The following BCL7C variants were observed in gnomAD, a reference collection of about 807,000 sequenced individuals.
BCL7C encodes B-cell CLL/lymphoma 7 protein family member C.
In BCL7C, 8 loss-of-function variants were observed where a neutral mutation model predicts 26.2. The ratio of observed to expected loss-of-function variants is 0.30; its 90% confidence interval spans 0.18 to 0.55. BCL7C has a LOEUF of 0.55. Among genes scored for constraint, BCL7C ranks in the 20% least tolerant of loss-of-function variants. The probability of loss-of-function intolerance (pLI) is 0.93; values close to 1 mark genes in which losing one functional copy is unlikely to be tolerated. For missense variants in BCL7C, 262 were observed against 298.5 expected (o/e 0.88, Z 0.90); for synonymous variants, 90 against 116.5 (o/e 0.77, Z 1.47).
At chr16:30,866,831 A>G (rs1341789953) in intron 5 of BCL7C, among the ~76,000 whole-genome samples, 1 of 151,988 alleles carries the variant, frequency 6.6e-6, no homozygotes. Context: ...AGGTGGGAGG[A>G]TTATATAAGG....
intron 5 of BCL7C, among the ~76,000 whole-genome samples, chr16:30,853,960 C>A (rs1446759306): frequency 6.6e-6 from 1 of 152,190 alleles, no homozygotes; most frequent in African/African-American, 2.4e-5. Context: ...GTGTCTTCCT[C>A]CAGATGGCAT....
chr16:30,866,592 T>G (rs867119171), intron 5 of BCL7C, among the ~76,000 whole-genome samples: 1,321 of 96,188 alleles, frequency 0.014, no homozygotes, highest in Middle Eastern at 0.018. Context: ...AAAAAAAAGG[T>G]GGGGGGGTGG....
At chr16:30,882,315 C>T (rs1373801978) in intron 5 of BCL7C, among the ~76,000 whole-genome samples, 1 of 152,120 alleles carries the variant, frequency 6.6e-6, no homozygotes, top group Non-Finnish European at 1.5e-5. Flanking sequence ...AGTAAGTACA[C>T]AATAAGTACC....
downstream of BCL7C, among the ~76,000 whole-genome samples, chr16:30,883,635 A>G (rs1422896623): frequency 3.2e-5 from 4 of 126,276 alleles, 1 homozygote; most frequent in Non-Finnish European, 3.2e-5. Context: ...TCCTGTCTCA[A>G]CCTCCTGAGT....
chr16:30,871,781 G>T (rs375626334), intron 5 of BCL7C, among the ~76,000 whole-genome samples: 1 of 151,986 alleles, frequency 6.6e-6, no homozygotes, highest in African/African-American at 2.4e-5. Context: ...CATCGCACCC[G>T]GCCACTATTT....
intron 5 of BCL7C, among the ~76,000 whole-genome samples, chr16:30,874,564 A>G (rs1245923302): frequency 6.6e-6 from 1 of 151,900 alleles, no homozygotes; most frequent in Non-Finnish European, 1.5e-5. Context: ...AGCTGCAGTG[A>G]GCGGAGATCG....
intron 4 of BCL7C, among the ~76,000 whole-genome samples, chr16:30,889,380 C>A (rs2055188243): frequency 6.6e-6 from 1 of 152,108 alleles, no homozygotes; most frequent in Non-Finnish European, 1.5e-5. Context: ...AGTAAGTGCT[C>A]AATAAATGCT....
chr16:30,881,202 G>A (rs1240453801), intron 5 of BCL7C, among the ~76,000 whole-genome samples: 1 of 152,104 alleles, frequency 6.6e-6, no homozygotes. Context: ...TTCAAGACCA[G>A]CCTGACCAAC....
At position 30,869,101 on chromosome 16, in the gene BCL7C, A is replaced by G. The variant is rs989812322; in HGVS notation, c.528+19759T>C. On this transcript the variant is annotated intron_variant, in intron 5 of 5. Coordinates refer to the BCL7C transcript ENST00000380317. ...GTGAGTCGACAGTTATGGGAAAGAC[A>G]AAGTAGAAAGAGTGCCGAGCTTGAA... Among the ~76,000 whole-genome samples the G allele has an allele frequency of 3.9e-5, 6 of 152,192 alleles. No homozygotes were observed. In the South Asian group the frequency reaches 8.3e-4, roughly 21 times the overall value.
chr16:30,867,323 T>C lies in BCL7C; in HGVS notation c.528+21537A>G, dbSNP rs1236572096. 2.0e-5 allele frequency among the ~76,000 whole-genome samples: 3 copies of C among 152,160 alleles called. No individual in the cohort carries two copies. The East Asian group carries it at 5.8e-4, about 29-fold the overall frequency. ...GACTATTTTTCTATGAATATTTATGTATATGGATGTTTCATAAGTGGTAGG... is the reference window on the plus strand; with the variant it reads ...GACTATTTTTCTATGAATATTTATGCATATGGATGTTTCATAAGTGGTAGG... On this transcript the variant is annotated intron_variant, in intron 5 of 5. Transcript: ENST00000380317.
downstream of BCL7C, among the ~76,000 whole-genome samples, chr16:30,887,533 T>G (rs1332973649): frequency 6.6e-6 from 1 of 150,440 alleles, no homozygotes; most frequent in Non-Finnish European, 1.5e-5. Flanking sequence ...TTTTGATAAT[T>G]GTTAGGCCCA....
chr16:30,845,607 C>T (rs2054629380), intron 5 of BCL7C, among the ~76,000 whole-genome samples: 1 of 152,210 alleles, frequency 6.6e-6, no homozygotes, highest in Non-Finnish European at 1.5e-5. Flanking sequence ...TTTCAAATGA[C>T]ATCTGGATCT....
In BCL7C at chr16:30,893,834, GC is replaced by G. The variant is rs1398670721; in HGVS notation, c.92+18del. 6.3e-7 allele frequency: 1 copy of G among 1,596,368 alleles called. No homozygotes were observed. Among genetic ancestry groups the G allele is most frequent in the African/African-American group, 1.3e-5 (1 of 74,714 alleles). ...GTGGTCCCGCTGTGTCCCGTCCCTG[GC>G]CCCCGAGCAGCGCTCACCATCTCCG... On this transcript the variant is annotated intron_variant, in intron 1 of 5. Coordinates refer to ENST00000215115, the MANE Select transcript of BCL7C (RefSeq NM_004765.4). This position sits in a 1 kb window ranked among gnomAD's most constrained non-coding sequence, Gnocchi z 5.2.
intron 5 of BCL7C, chr16:30,852,209 T>A (rs2054681565): frequency 6.5e-6 from 1 of 154,976 alleles, no homozygotes; most frequent in Non-Finnish European, 1.4e-5. Context: ...TAGCAGTTCC[T>A]GGGCCAAGTG....
intron 5 of BCL7C, among the ~76,000 whole-genome samples, chr16:30,835,824 C>T (rs1003340826): frequency 2.0e-5 from 3 of 150,642 alleles, no homozygotes; most frequent in Non-Finnish European, 3.0e-5. Context: ...CCAGCCTGGG[C>T]GACAGAGTGA....
At chr16:30,887,112 C>G (rs2143135253), downstream of BCL7C, among the ~76,000 whole-genome samples, 1 of 152,210 alleles carries the variant, frequency 6.6e-6, no homozygotes, top group South Asian at 2.1e-4. Flanking sequence ...AGTTTGAGAC[C>G]AGCCTGGCCA....
chr16:30,855,292 G>A (rs2151367627), intron 5 of BCL7C, among the ~76,000 whole-genome samples: 1 of 152,162 alleles, frequency 6.6e-6, no homozygotes, highest in African/African-American at 2.4e-5. Flanking sequence ...AAGCTGGAGT[G>A]CAGTGACATG....
At chr16:30,839,341 T>C (rs1406893075) in intron 5 of BCL7C, among the ~76,000 whole-genome samples, 1 of 151,952 alleles carries the variant, frequency 6.6e-6, no homozygotes, top group African/African-American at 2.4e-5. Context: ...GGGCAAAGAG[T>C]GGGATTCCCT....
intron 5 of BCL7C, among the ~76,000 whole-genome samples, chr16:30,856,600 C>G (rs565184536): frequency 2.0e-5 from 3 of 152,218 alleles, no homozygotes; most frequent in Admixed American, 6.5e-5. Flanking sequence ...CCACTGAAGT[C>G]TGCTCTGTTA....
Sources: gnomAD v4.1 joint callset for allele counts (sites outside exome capture counted in the v4.1 genomes callset) on GRCh38, gnomAD v4.1.1 for gene constraint, Gnocchi (gnomAD v3.1) non-coding constraint, MANE v1.5 for transcripts, NCBI Gene and HGNC (gene_info 2026-07-23, HGNC 2026-07-21) for gene names.